Variants in AKT3 observed in about 807,000 individuals in gnomAD.
AKT3 encodes RAC-gamma serine/threonine-protein kinase.
In AKT3, 15 loss-of-function variants were observed where a neutral mutation model predicts 65.3. The ratio of observed to expected loss-of-function variants is 0.23; its 90% CI spans 0.15 to 0.35. AKT3 has a LOEUF of 0.35. AKT3 is among the 10% of genes least tolerant of loss of function. AKT3 has a pLI of 1.00. For missense variants in AKT3, 243 were observed against 576.5 expected (o/e 0.42, Z 5.92); for synonymous variants, 206 against 183.8 (o/e 1.12, Z -0.98).
At chr1:243,751,863 A>G (rs1688830519) in intron 2 of AKT3, among the ~76,000 whole-genome samples, 1 of 152,188 alleles carries the variant, frequency 6.6e-6, no homozygotes, top group Non-Finnish European at 1.5e-5. Context: ...AGGTTGGATT[A>G]TCCTCCAGGA....
At chr1:243,499,116 C>T (rs1045135912), downstream of AKT3, among the ~76,000 whole-genome samples, 1 of 152,184 alleles carries the variant, frequency 6.6e-6, no homozygotes, top group Non-Finnish European at 1.5e-5. Flanking sequence ...GAACAGTATT[C>T]AATACTTTCT....
intron 8 of AKT3, among the ~76,000 whole-genome samples, chr1:243,574,275 CATATT>C (rs753407892): frequency 4.6e-5 from 7 of 150,678 alleles, no homozygotes; most frequent in South Asian, 2.1e-4. Flanking sequence ...CACTTAACAG[CATATT>C]ATAAGATAAG....
At chr1:243,513,843 A>G (rs973393221) in intron 12 of AKT3, among the ~76,000 whole-genome samples, 5 of 152,068 alleles carry the variant, frequency 3.3e-5, no homozygotes, top group Non-Finnish European at 5.9e-5. Context: ...GTGCCAGACC[A>G]TATTTCTTTC....
intron 2 of AKT3, among the ~76,000 whole-genome samples, chr1:243,829,526 A>C (rs1694372361): frequency 6.6e-6 from 1 of 152,244 alleles, no homozygotes; most frequent in African/African-American, 2.4e-5. Flanking sequence ...TCAATACACA[A>C]AAAGCTCTTA....
intron 12 of AKT3, among the ~76,000 whole-genome samples, chr1:243,544,861 G>C (rs1004200764): frequency 6.6e-6 from 1 of 151,076 alleles, no homozygotes; most frequent in Non-Finnish European, 1.5e-5. Context: ...ACGCCCAGTT[G>C]ATTTTTTTTT....
downstream of AKT3, among the ~76,000 whole-genome samples, chr1:243,497,506 C>T (rs917088585): frequency 2.6e-5 from 4 of 152,000 alleles, no homozygotes; most frequent in African/African-American, 9.7e-5. Context: ...CTGGTGAGGC[C>T]CGTACATCTG....
chr1:243,815,336 CAT>C (rs1215860521), intron 2 of AKT3, among the ~76,000 whole-genome samples: 2 of 152,270 alleles, frequency 1.3e-5, no homozygotes, highest in Non-Finnish European at 2.9e-5. Context: ...TCTTATTGCA[CAT>C]GACAGAGTTG....
chr1:243,683,278 T>C (rs982867024), intron 3 of AKT3, among the ~76,000 whole-genome samples: 5 of 152,180 alleles, frequency 3.3e-5, no homozygotes, highest in Non-Finnish European at 7.4e-5. Context: ...GAAAGGTTGG[T>C]TTCCTTATTT....
intron 2 of AKT3, among the ~76,000 whole-genome samples, chr1:243,836,865 C>G (rs1335178810): frequency 6.7e-6 from 1 of 148,266 alleles, no homozygotes; most frequent in Middle Eastern, 3.5e-3. Flanking sequence ...TGAGCTGAGA[C>G]TGCGCCACTG....
chr1:243,740,796 A>T (rs1260167014), intron 2 of AKT3: 1 of 152,158 alleles, frequency 6.6e-6, no homozygotes, highest in African/African-American at 2.4e-5. Flanking sequence ...CTCCACTTGG[A>T]CTTTTATCAT....
chr1:243,729,344 A>G (rs1375373436), intron 2 of AKT3, among the ~76,000 whole-genome samples: 3 of 152,192 alleles, frequency 2.0e-5, no homozygotes, highest in Non-Finnish European at 4.4e-5. Flanking sequence ...TGGTAATACA[A>G]GAGAGGTAAT....
chr1:243,849,487 C>T (rs1054537590), intron 1 of AKT3, among the ~76,000 whole-genome samples: 1 of 150,262 alleles, frequency 6.7e-6, no homozygotes, highest in Non-Finnish European at 1.5e-5. Flanking sequence ...GCATCCTCGC[C>T]TTCACCCCAC....
chr1:243,609,503 C>A (rs1212476168), intron 8 of AKT3, among the ~76,000 whole-genome samples: 1 of 152,006 alleles, frequency 6.6e-6, no homozygotes, highest in Non-Finnish European at 1.5e-5. Flanking sequence ...ACTAAAAATA[C>A]AAAAATTAGC....
intron 3 of AKT3, among the ~76,000 whole-genome samples, chr1:243,669,129 C>A (rs1682999732): frequency 1.3e-5 from 2 of 152,168 alleles, no homozygotes; most frequent in African/African-American, 4.8e-5. Context: ...CTCTTTGAAG[C>A]CAACTGTTCC....
intron 2 of AKT3, among the ~76,000 whole-genome samples, chr1:243,833,744 T>C (rs997696755): frequency 2.0e-5 from 3 of 151,474 alleles, no homozygotes; most frequent in Non-Finnish European, 2.9e-5. Context: ...GAATCCTATA[T>C]ACAATTTAAA....
chr1:243,660,324 A>C (rs917096853), intron 4 of AKT3, among the ~76,000 whole-genome samples: 2 of 152,198 alleles, frequency 1.3e-5, no homozygotes, highest in Non-Finnish European at 2.9e-5. Flanking sequence ...ATCTGTGGTG[A>C]TATCGAATCC....
chr1:243,586,676 T>C (rs1343030501), intron 8 of AKT3, among the ~76,000 whole-genome samples: 1 of 152,072 alleles, frequency 6.6e-6, no homozygotes, highest in Non-Finnish European at 1.5e-5. Context: ...GCTAATCAAT[T>C]GGTACTCATG....
At chr1:243,545,825 T>G (rs1460735524) in intron 11 of AKT3, among the ~76,000 whole-genome samples, 3 of 152,190 alleles carry the variant, frequency 2.0e-5, no homozygotes. Context: ...GCTTTAGAGA[T>G]AGATCTGGAA....
chr1:243,589,368 G>T (rs1676062725), intron 8 of AKT3, among the ~76,000 whole-genome samples: 1 of 149,982 alleles, frequency 6.7e-6, no homozygotes, highest in Admixed American at 6.6e-5. Flanking sequence ...AAAAAATAGG[G>T]AAAGGACCTG....
Sources: gnomAD v4.1 joint callset for allele counts (sites outside exome capture counted in the v4.1 genomes callset) on GRCh38, gnomAD v4.1.1 for gene constraint, MANE v1.5 for transcripts, NCBI Gene and HGNC (gene_info 2026-07-23, HGNC 2026-07-21) for gene names.